NBN: variants seen among roughly 807,000 people sequenced by gnomAD.
The protein encoded by NBN is Nijmegen breakage syndrome 1 (nibrin).
NBN carries 88 observed loss-of-function variants against 90.8 expected under a neutral mutation model. The ratio of observed to expected loss-of-function variants is 0.97; its 90% CI spans 0.82 to 1.16. The LOEUF is 1.16. NBN is among the 50% of genes most tolerant of loss of function. The pLI, the probability that NBN is intolerant of heterozygous loss-of-function variation, is 0.00. For missense variants in NBN, 894 were observed against 869.6 expected, an observed-to-expected ratio of 1.03 and a Z score of -0.35; for synonymous variants, 328 against 295.1, an observed-to-expected ratio of 1.11 and a Z score of -1.14.
chr8:89,970,467 C>T lies in NBN; in HGVS notation c.793G>A (p.Ala265Thr), dbSNP rs876658382. 2 of 1,613,780 alleles carry T rather than the reference C, an allele frequency of 1.2e-6. No individual in the cohort carries two copies. Among genetic ancestry groups the T allele is most frequent in the African/African-American group, 1.3e-5 (1 of 74,890 alleles). ...GTATCAACAACACACGTTCCCGGAG[C>T]CAAAAAGAAATTATGTTCTTCTTCA... Reference protein sequence around the residue: ...ENEEEHNFFLAPGTCVVDTGI... With the variant: ...ENEEEHNFFLTPGTCVVDTGI... Residue 265 changes from alanine (A) to threonine (T), a missense_variant, in exon 7 of 16, where the codon GCT (alanine) becomes ACT (threonine). Transcript: ENST00000265433.
intron 2 of NBN, 35 bp downstream of exon 2, chr8:89,982,687 T>C (rs780085478): frequency 1.2e-5 from 19 of 1,574,188 alleles, no homozygotes; most frequent in Non-Finnish European, 1.4e-5. Context: ...TCAACCCCCT[T>C]ACTGGAAACT....
At chr8:89,955,691 T>C (rs984605996) in intron 9 of NBN, 136 bp from the exon 10 acceptor site, 21 of 1,037,430 alleles carry the variant, frequency 2.0e-5, no homozygotes, top group Non-Finnish European at 2.9e-5. Flanking sequence ...ACTGAATATA[T>C]TTTACCATCC....
At chr8:89,961,903 T>C (rs1811007981) in intron 8 of NBN, among the ~76,000 whole-genome samples, 1 of 152,008 alleles carries the variant, frequency 6.6e-6, no homozygotes, top group Non-Finnish European at 1.5e-5. Flanking sequence ...GAGAGAAGGA[T>C]GTAGAGGGTT....
intron 7 of NBN, among the ~76,000 whole-genome samples, chr8:89,966,597 A>C (rs1811263949): frequency 6.6e-6 from 1 of 152,232 alleles, no homozygotes; most frequent in African/African-American, 2.4e-5. Flanking sequence ...AACAATTAAA[A>C]TTTACATAAA....
At chr8:89,981,755 T>C (rs1812081196) in intron 2 of NBN, 1 of 550,540 alleles carries the variant, frequency 1.8e-6, no homozygotes, top group African/African-American at 1.9e-5. Context: ...ACATGTTCTT[T>C]ATTTGTGTAA....
rs900143871 is a variant in NBN at position 89,982,058 on chromosome 8, T to C, written c.172-535A>G. The C allele has an allele frequency of 2.7e-5, 18 of 677,248 alleles. No individual in the cohort carries two copies. In the Admixed American group the frequency reaches 4.4e-4, roughly 17 times the overall value. The allele number at this position is 677,248 out of a possible 1,614,324, so 42.0% of individuals were successfully genotyped here. ...ACTGAAGAAATTCATATCGCATATA[T>C]GCAATCTTTGATTAAAATAATGGCT... On this transcript the variant is annotated intron_variant, in intron 2 of 15. Transcript: ENST00000265433.
intron 13 of NBN, among the ~76,000 whole-genome samples, chr8:89,943,991 A>G (rs1810071337): frequency 6.6e-6 from 1 of 152,214 alleles, no homozygotes. Flanking sequence ...TGCTTTTAAA[A>G]TTCCAATATA....
At chr8:89,949,911 A>G (rs1410768047) in intron 11 of NBN, among the ~76,000 whole-genome samples, 1 of 152,208 alleles carries the variant, frequency 6.6e-6, no homozygotes, top group Non-Finnish European at 1.5e-5. Flanking sequence ...GGACTTTCAG[A>G]CAAATTCTTA....
At position 89,978,332 on chromosome 8, in the gene NBN, A is replaced by G; in HGVS notation, c.481-9T>C. On this transcript the variant is annotated splice_polypyrimidine_tract_variant and intron_variant, in intron 4 of 15. Transcript: ENST00000265433. ...ATGAGTGCACATATTGTCTACAATG[A>G]AGAAAACATGTGAATATATATATTC... is the stretch of plus-strand genomic sequence containing the variant. 1 of 1,580,974 alleles carries G rather than the reference A, an allele frequency of 6.3e-7. No individual in the cohort carries two copies. Among genetic ancestry groups the G allele is most frequent in the Non-Finnish European group, 8.7e-7 (1 of 1,150,196 alleles).
At chr8:89,970,290 T>G (rs1289777282) in intron 7 of NBN, 74 bp downstream of exon 7, 8 of 1,302,556 alleles carry the variant, frequency 6.1e-6, no homozygotes, top group Non-Finnish European at 8.7e-6. Context: ...CATTGTTAGG[T>G]GAAAAGCAAC....
At chr8:89,979,153 A>G (rs934224212) in intron 4 of NBN, among the ~76,000 whole-genome samples, 9 of 151,902 alleles carry the variant, frequency 5.9e-5, no homozygotes, top group African/African-American at 2.2e-4. Flanking sequence ...AATTTTTAAA[A>G]TTTTTTGTAG....
At chr8:89,940,862 T>C (rs970985001) in intron 14 of NBN, among the ~76,000 whole-genome samples, 2 of 151,350 alleles carry the variant, frequency 1.3e-5, no homozygotes, top group Non-Finnish European at 2.9e-5. Context: ...CCCACTGTTA[T>C]AAATGATTTA....
intron 1 of NBN, among the ~76,000 whole-genome samples, chr8:89,983,648 C>T (rs1384811002): frequency 1.3e-5 from 2 of 152,076 alleles, no homozygotes; most frequent in Non-Finnish European, 2.9e-5. Flanking sequence ...AAAGGGTTAT[C>T]AGTTTCTTTT....
intron 11 of NBN, among the ~76,000 whole-genome samples, chr8:89,951,485 T>C (rs1563522197): frequency 6.6e-6 from 1 of 152,116 alleles, no homozygotes; most frequent in Non-Finnish European, 1.5e-5. Flanking sequence ...ACATGTAATA[T>C]TAAGTAACCT....
chr8:89,970,317 A>C (rs1304049476), intron 7 of NBN, 47 bp downstream of exon 7: 2 of 1,483,814 alleles, frequency 1.3e-6, no homozygotes, highest in East Asian at 4.5e-5. Context: ...GGTTAAACAT[A>C]AAATCTCCTA....
At chr8:89,980,594 A>C in intron 4 of NBN, 140 bp downstream of exon 4, 1 of 678,154 alleles carries the variant, frequency 1.5e-6, no homozygotes, top group Non-Finnish European at 2.5e-6. Flanking sequence ...ATGGTATACA[A>C]AGGGATGGAG....
At chr8:89,982,082 C>T in intron 2 of NBN, 1 of 482,614 alleles carries the variant, frequency 2.1e-6, no homozygotes, top group Non-Finnish European at 3.4e-6. Context: ...AAAATAATGG[C>T]TCATCTTTCT....
chr8:89,956,667 C>G (rs1221222425), intron 9 of NBN, among the ~76,000 whole-genome samples: 5 of 152,176 alleles, frequency 3.3e-5, no homozygotes, highest in Admixed American at 6.5e-5. Context: ...TTCCAGTCAT[C>G]CATGTACATT....
At chr8:89,946,055 A>G in intron 13 of NBN, 85 bp downstream of exon 13, 2 of 1,072,732 alleles carry the variant, frequency 1.9e-6, no homozygotes, top group South Asian at 1.4e-5. Flanking sequence ...TTCAACATAA[A>G]CTGCTTTTAT....
Sources: allele counts gnomAD v4.1 joint callset (sites outside exome capture counted in the v4.1 genomes callset), GRCh38; gene constraint gnomAD v4.1.1; transcripts MANE v1.5; gene names NCBI Gene and HGNC (gene_info 2026-07-23, HGNC 2026-07-21).